Variants in ARHGAP15 observed in about 807,000 individuals in gnomAD.
ARHGAP15 encodes rho GTPase-activating protein 15.
Under a neutral mutation model 63.7 loss-of-function variants are expected in ARHGAP15, and 51 were observed. That is an observed-to-expected ratio of 0.80 (90% CI 0.64 to 1.01). The LOEUF is 1.01. Among genes scored for constraint, ARHGAP15 ranks in the 50% least tolerant of loss-of-function variants. The pLI is 0.00. For synonymous variants in ARHGAP15, 191 were observed against 193.8 expected, an observed-to-expected ratio of 0.99 and a Z score of 0.12; for missense variants, 560 against 564.6, an observed-to-expected ratio of 0.99 and a Z score of 0.08.
At chr2:143,661,581 C>T (rs550856081) in intron 12 of ARHGAP15, among the ~76,000 whole-genome samples, 6 of 152,074 alleles carry the variant, frequency 3.9e-5, no homozygotes, top group South Asian at 2.1e-4. Flanking sequence ...CCAAGATGGC[C>T]GAATAGGAAC....
At chr2:143,339,591 G>A (rs768795552) in intron 6 of ARHGAP15, among the ~76,000 whole-genome samples, 10 of 152,014 alleles carry the variant, frequency 6.6e-5, no homozygotes, top group African/African-American at 1.9e-4. Context: ...TATTGGCAGC[G>A]AGGCCACCAA....
At chr2:143,544,097 A>T (rs1287025454) in intron 10 of ARHGAP15, among the ~76,000 whole-genome samples, 2 of 152,198 alleles carry the variant, frequency 1.3e-5, no homozygotes, top group Admixed American at 1.3e-4. Context: ...AGAGCTTCTA[A>T]GTAGGGAAGA....
At chr2:143,567,972 G>A (rs1696297030) in intron 11 of ARHGAP15, among the ~76,000 whole-genome samples, 1 of 152,138 alleles carries the variant, frequency 6.6e-6, no homozygotes, top group Non-Finnish European at 1.5e-5. Context: ...GTCATATGTA[G>A]AAAGCTGAAA....
At chr2:143,191,049 G>A (rs772284980) in intron 2 of ARHGAP15, among the ~76,000 whole-genome samples, 2 of 152,170 alleles carry the variant, frequency 1.3e-5, no homozygotes, top group African/African-American at 2.4e-5. Context: ...GATTACAGGC[G>A]TGAGCCACCG....
At chr2:143,230,127 C>T (rs1693380315) in intron 5 of ARHGAP15, among the ~76,000 whole-genome samples, 1 of 152,030 alleles carries the variant, frequency 6.6e-6, no homozygotes, top group African/African-American at 2.4e-5. Context: ...TTTGAATGAG[C>T]TCTAAGGGGG....
At position 143,519,278 on chromosome 2, in the gene ARHGAP15, G is replaced by C; in HGVS notation, c.839G>C (p.Gly280Ala). The C allele has an allele frequency of 6.2e-7, 1 of 1,612,380 alleles. No individual in the cohort carries two copies. The highest frequency in any genetic ancestry group is 8.5e-7 in the Non-Finnish European group (1 of 1,178,736). Residue 280 changes from glycine (G) to alanine (A), a missense_variant, in exon 10 of 14, where the codon GGC becomes GCC. Physicochemically the swap from Gly to Ala is moderately conservative, Grantham distance 60. Transcript: ENST00000295095. ...GTTTCTTTTGCAGATCAAATTTTTG[G>C]CTCTCATCTGCACAAAGTGTGTGAA... The part of the protein sequence containing the change: ...EKGLIKDQIF[G>A]SHLHKVCERE...
chr2:143,766,975 C>A (rs2072944610), intron 13 of ARHGAP15: 1 of 152,202 alleles, frequency 6.6e-6, no homozygotes, highest in Non-Finnish European at 1.5e-5. Context: ...CCACACGGAG[C>A]TCTGAAGCCA....
Position 143,330,126 on chromosome 2 carries a change from AAAAAACCAAAAAC to A in ARHGAP15, c.474+79532_474+79544del, listed in dbSNP as rs1684469348. 1.2e-4 allele frequency among the ~76,000 whole-genome samples: 11 copies of A among 92,096 alleles called. 2 individuals carry two copies. The highest frequency in any genetic ancestry group is 3.7e-4 in the African/African-American group (9 of 24,018). 60.4% of individuals were successfully genotyped at this position (92,096 alleles called of 152,430 possible). A position where few individuals can be genotyped will look rare whatever the true frequency, so the allele number is the denominator to read the frequency against. On this transcript the variant is annotated intron_variant, in intron 6 of 13. Coordinates refer to ENST00000295095, the MANE Select transcript of ARHGAP15 (RefSeq NM_018460.4). ...AAAAAAAAAAAAAAAAAAAAAAAAAAAAAAACCAAAAACAAAAAACTAAACTAATGATTAATAA... is the reference window on the plus strand; with the variant it reads ...AAAAAAAAAAAAAAAAAAAAAAAAAAAAAAAACTAAACTAATGATTAATAA...
chr2:143,458,988 C>G (rs1478108883), intron 8 of ARHGAP15, among the ~76,000 whole-genome samples: 1 of 152,032 alleles, frequency 6.6e-6, no homozygotes, highest in Non-Finnish European at 1.5e-5. Context: ...CTTCTTTAGT[C>G]TCAGTGAGGT....
intron 6 of ARHGAP15, among the ~76,000 whole-genome samples, chr2:143,320,285 G>C (rs761794879): frequency 2.2e-4 from 34 of 152,054 alleles, no homozygotes; most frequent in Admixed American, 3.9e-4. Flanking sequence ...GCTGGCTGCA[G>C]AGCTGATTGT....
At chr2:143,493,679 C>G (rs1208074081) in intron 9 of ARHGAP15, among the ~76,000 whole-genome samples, 4 of 152,166 alleles carry the variant, frequency 2.6e-5, no homozygotes, top group Admixed American at 1.3e-4. Context: ...AAAGTCCTTT[C>G]AGCCTCTTTC....
intron 6 of ARHGAP15, among the ~76,000 whole-genome samples, chr2:143,347,851 A>C (rs563679023): frequency 8.2e-5 from 12 of 146,654 alleles, no homozygotes; most frequent in African/African-American, 2.8e-4. Flanking sequence ...TGAAATTTTG[A>C]TCAGAAGATA....
intron 6 of ARHGAP15, among the ~76,000 whole-genome samples, chr2:143,384,831 G>A (rs1445713645): frequency 2.6e-5 from 4 of 152,062 alleles, no homozygotes; most frequent in Admixed American, 2.0e-4. Context: ...TAACCTGTCC[G>A]GGGATACCTT....
At chr2:143,165,962 GAA>G (rs1690490486) in intron 2 of ARHGAP15, among the ~76,000 whole-genome samples, 1 of 74,898 alleles carries the variant, frequency 1.3e-5, no homozygotes, top group Non-Finnish European at 2.9e-5. Flanking sequence ...AAGAAAGAGA[GAA>G]AGAAAGAAAG....
intron 6 of ARHGAP15, among the ~76,000 whole-genome samples, chr2:143,316,586 ATG>A (rs1683730502): frequency 6.8e-6 from 1 of 146,678 alleles, no homozygotes; most frequent in South Asian, 2.1e-4. Context: ...TAAAATATAT[ATG>A]TTATATATAT....
intron 11 of ARHGAP15, among the ~76,000 whole-genome samples, chr2:143,574,746 C>A (rs543973328): frequency 6.6e-6 from 1 of 152,206 alleles, no homozygotes; most frequent in South Asian, 2.1e-4. Context: ...GTAGAAATAT[C>A]TTTAGGTTTG....
At chr2:143,213,101 T>C (rs553977708) in intron 3 of ARHGAP15, among the ~76,000 whole-genome samples, 2 of 152,218 alleles carry the variant, frequency 1.3e-5, no homozygotes. Flanking sequence ...AGGATTACAA[T>C]TGTCCTATTA....
intron 8 of ARHGAP15, among the ~76,000 whole-genome samples, chr2:143,480,276 C>T (rs996387230): frequency 3.3e-5 from 5 of 152,280 alleles, no homozygotes; most frequent in African/African-American, 1.2e-4. Flanking sequence ...GCTGAATTGA[C>T]AGTAGACGCC....
At chr2:143,470,303 AAAAAG>A (rs1001566192) in intron 8 of ARHGAP15, among the ~76,000 whole-genome samples, 3 of 150,862 alleles carry the variant, frequency 2.0e-5, no homozygotes, top group Admixed American at 6.6e-5. Context: ...AAAAAAAAAA[AAAAAG>A]GGAACTGAGA....
Sources: gnomAD v4.1 joint callset for allele counts (sites outside exome capture counted in the v4.1 genomes callset) on GRCh38, gnomAD v4.1.1 for gene constraint, MANE v1.5 for transcripts, NCBI Gene and HGNC (gene_info 2026-07-23, HGNC 2026-07-21) for gene names.